Variants in MORC3 observed in about 807,000 individuals in gnomAD.
The protein encoded by MORC3 is MORC family CW-type zinc finger 3.
Under a neutral mutation model 109.1 loss-of-function variants are expected in MORC3, and 31 were observed. That is an observed-to-expected ratio of 0.28 (90% CI 0.21 to 0.38). MORC3 has a LOEUF of 0.38. Ranked by LOEUF, MORC3 falls within the 10% of genes least tolerant of loss-of-function variation. The pLI is 1.00. For synonymous variants in MORC3, 395 were observed against 380.7 expected (o/e 1.04, Z -0.44); for missense variants, 867 against 1,135.8 (o/e 0.76, Z 3.40).
At chr21:36,351,335 G>A (rs775805288) in intron 9 of MORC3, among the ~76,000 whole-genome samples, 1 of 151,930 alleles carries the variant, frequency 6.6e-6, no homozygotes, top group South Asian at 2.1e-4. Context: ...CAAAATGGTG[G>A]GATTATGGGT....
chr21:36,339,501 C>CAAAAAAAAAAAAAA (rs55863855), intron 5 of MORC3: 1 of 101,434 alleles, frequency 9.9e-6, no homozygotes, highest in Non-Finnish European at 2.0e-5. Flanking sequence ...CCCGTCTTCT[C>CAAAAAAAAAAAAAA]AAAAAAAAAA....
chr21:36,372,406 C>T lies in MORC3; in HGVS notation c.2541C>T (p.Ile847=), dbSNP rs1350319089. 1 of 1,587,954 alleles carries T rather than the reference C, an allele frequency of 6.3e-7. No homozygotes were observed. The highest frequency in any genetic ancestry group is 1.4e-5 in the African/African-American group (1 of 73,436). Residue 847 remains isoleucine, a synonymous_variant, in exon 16 of 17, where the codon ATC becomes ATT. Transcript: ENST00000400485. ...VELLEMEKSQ[I]RSQCEELKTE... ...TGCTGGAAATGGAAAAGTCACAAAT[C>T]CGTTCACAGTGTGAAGAACTCAAAA...
chr21:36,359,895 C>G (rs1009781804), intron 10 of MORC3, 60 bp from the exon 11 acceptor site: 4 of 1,583,052 alleles, frequency 2.5e-6, no homozygotes, highest in South Asian at 1.1e-5. Flanking sequence ...TGTGGAACAT[C>G]TGATGAAGTA....
intron 1 of MORC3, among the ~76,000 whole-genome samples, chr21:36,332,848 C>T (rs1386674178): frequency 2.0e-5 from 3 of 147,418 alleles, no homozygotes; most frequent in East Asian, 2.0e-4. Flanking sequence ...AGTGCAGTGG[C>T]ACGATCTTGG....
intron 9 of MORC3, among the ~76,000 whole-genome samples, chr21:36,352,582 A>C (rs1209728177): frequency 6.6e-6 from 1 of 152,074 alleles, no homozygotes; most frequent in East Asian, 1.9e-4. Flanking sequence ...TTTCATGAGC[A>C]TTTCCTTTGG....
rs897952920 is a variant in MORC3, at chr21:36,320,200, G to T, written c.-65G>T. The T allele has an allele frequency of 1.3e-6, 2 of 1,549,390 alleles. No individual in the cohort carries two copies. The highest frequency in any genetic ancestry group is 2.7e-5 in the African/African-American group (2 of 73,154). On this transcript the variant is annotated 5_prime_UTR_variant, in exon 1 of 17. Transcript: ENST00000400485. ...TGGGCGGTACCCATAGGGCTCCACAGTCGTTCCGCCACCTCCCAGTCGGGT... is the reference window on the plus strand; with the variant it reads ...TGGGCGGTACCCATAGGGCTCCACATTCGTTCCGCCACCTCCCAGTCGGGT...
intron 10 of MORC3, among the ~76,000 whole-genome samples, chr21:36,359,429 C>G (rs572158436): frequency 6.6e-6 from 1 of 152,192 alleles, no homozygotes; most frequent in East Asian, 1.9e-4. Context: ...GCCACCACAC[C>G]CAGCTCAAAA....
chr21:36,359,556 CTTTTTTTTTTTTTT>C (rs5843757), intron 10 of MORC3, among the ~76,000 whole-genome samples: 5 of 93,940 alleles, frequency 5.3e-5, no homozygotes, highest in South Asian at 4.1e-4. Flanking sequence ...CTTTCCTCTC[CTTTTTTTTTTTTTT>C]TTTTTTTTTT....
At position 36,320,219 on chromosome 21, in the gene MORC3, G is replaced by A. The variant is rs977088920; in HGVS notation, c.-46G>A. 12 of 1,556,232 alleles carry A rather than the reference G, an allele frequency of 7.7e-6. No homozygotes were observed. Among genetic ancestry groups the A allele is most frequent in the Admixed American group, 5.8e-5 (3 of 52,118 alleles). ...TCCACAGTCGTTCCGCCACCTCCCAGTCGGGTTGCGGCGGAGGCCGTTCCT... is the reference window on the plus strand; with the variant it reads ...TCCACAGTCGTTCCGCCACCTCCCAATCGGGTTGCGGCGGAGGCCGTTCCT... On this transcript the variant is annotated 5_prime_UTR_variant, in exon 1 of 17. Coordinates refer to ENST00000400485, the MANE Select transcript of MORC3 (RefSeq NM_015358.3).
chr21:36,344,613 T>C lies in MORC3; in HGVS notation c.791T>C (p.Met264Thr). ...AGTATATTATATCTAAAGCCAAGAA[T>C]GCAGATCATCCTACGTGGACAGAAA... is the stretch of plus-strand genomic sequence containing the variant. ...YCSILYLKPR[M>T]QIILRGQKVK... is the part of the protein sequence containing the mutation. The change falls in exon 7 of 17, where the codon ATG (methionine) becomes ACG (threonine). Residue 264 changes from methionine (M) to threonine (T), a missense_variant. Around this residue, in one of 7 missense-constraint regions of MORC3, gnomAD observed 120 missense variants for 259.7 expected, o/e 0.46. Transcript: ENST00000400485. The C allele has an allele frequency of 1.9e-6, 3 of 1,614,096 alleles. No individual in the cohort carries two copies. The highest frequency in any genetic ancestry group is 2.2e-5 in the South Asian group (2 of 91,074).
Position 36,333,738 on chromosome 21 carries a change from A to C in MORC3, c.112+20A>C. ...TAATAGGTATGTAGTTTGACATTTCATATACCATTTGTTGCTTACAATTGT... is the reference window on the plus strand; with the variant it reads ...TAATAGGTATGTAGTTTGACATTTCCTATACCATTTGTTGCTTACAATTGT... On this transcript the variant is annotated intron_variant, in intron 2 of 16. Coordinates refer to ENST00000400485, the MANE Select transcript of MORC3 (RefSeq NM_015358.3). 6.5e-7 allele frequency: 1 copy of C among 1,543,358 alleles called. No homozygotes were observed. The highest frequency in any genetic ancestry group is 8.9e-7 in the Non-Finnish European group (1 of 1,121,780).
chr21:36,332,273 A>G lies in MORC3; in HGVS notation c.40-1373A>G, dbSNP rs190270636. 9.2e-5 allele frequency among the ~76,000 whole-genome samples: 14 copies of G among 152,140 alleles called. No homozygotes were observed. In the East Asian group the frequency reaches 2.7e-3, roughly 29 times the overall value. Reference sequence around the variant, plus strand: ...AACATGGCGAAACCCCTTATCTACTAAAAATACAAAAAATTAGCCATGTGT... The same window carrying G: ...AACATGGCGAAACCCCTTATCTACTGAAAATACAAAAAATTAGCCATGTGT... On this transcript the variant is annotated intron_variant, in intron 1 of 16. Transcript: ENST00000400485.
At chr21:36,323,898 G>A (rs549126521) in intron 1 of MORC3, among the ~76,000 whole-genome samples, 34 of 150,426 alleles carry the variant, frequency 2.3e-4, no homozygotes, top group African/African-American at 7.6e-4. Context: ...TTTTAGAGAC[G>A]GAGTTTCGCT....
At chr21:36,365,578 TCTTC>T (rs1485465106) in intron 14 of MORC3, among the ~76,000 whole-genome samples, 1 of 152,220 alleles carries the variant, frequency 6.6e-6, no homozygotes, top group Non-Finnish European at 1.5e-5. Flanking sequence ...AATAGTTTGC[TCTTC>T]CTTTCTTTAT....
intron 9 of MORC3, among the ~76,000 whole-genome samples, chr21:36,349,686 G>A (rs1001833662): frequency 2.6e-5 from 4 of 152,192 alleles, no homozygotes; most frequent in South Asian, 2.1e-4. Flanking sequence ...AAAACATTTA[G>A]CTTAAGAGAA....
chr21:36,346,433 T>C (rs554497747), intron 8 of MORC3, among the ~76,000 whole-genome samples: 37 of 152,320 alleles, frequency 2.4e-4, no homozygotes, highest in Middle Eastern at 3.4e-3. Flanking sequence ...GGCTCATTCC[T>C]GTAATCCTAG....
At chr21:36,374,102 T>A (rs576451174) in intron 16 of MORC3, among the ~76,000 whole-genome samples, 33 of 152,210 alleles carry the variant, frequency 2.2e-4, no homozygotes, top group African/African-American at 5.3e-4. Context: ...TATTATTATT[T>A]TTTTGGAGAC....
At chr21:36,368,347 C>G (rs2146339171) in intron 14 of MORC3, among the ~76,000 whole-genome samples, 1 of 150,444 alleles carries the variant, frequency 6.6e-6, no homozygotes, top group East Asian at 2.0e-4. Context: ...CTGAAGAATA[C>G]AAAGAAGGGG....
intron 9 of MORC3, among the ~76,000 whole-genome samples, chr21:36,351,462 C>T (rs191728738): frequency 2.5e-4 from 38 of 152,246 alleles, no homozygotes; most frequent in African/African-American, 8.7e-4. Context: ...TTCCCTCTCC[C>T]CACTACCTGT....
Sources: allele counts gnomAD v4.1 joint callset (sites outside exome capture counted in the v4.1 genomes callset), GRCh38; gene constraint gnomAD v4.1.1; regional missense constraint gnomAD v4.1.1; transcripts MANE v1.5; gene names NCBI Gene and HGNC (gene_info 2026-07-23, HGNC 2026-07-21).